KCNQ2: variants seen among roughly 807,000 people sequenced by gnomAD.
KCNQ2 encodes potassium voltage-gated channel subfamily KQT member 2.
In KCNQ2, 14 loss-of-function variants were observed where a neutral mutation model predicts 84.8. That is an observed-to-expected ratio of 0.17 (90% CI 0.11 to 0.26). The LOEUF is 0.26. KCNQ2 is among the 10% of genes least tolerant of loss of function. The pLI, the probability that KCNQ2 is intolerant of heterozygous loss-of-function variation, is 1.00. For missense variants in KCNQ2, 788 were observed against 1,254.0 expected, an observed-to-expected ratio of 0.63 and a Z score of 5.61; for synonymous variants, 599 against 554.1, an observed-to-expected ratio of 1.08 and a Z score of -1.14.
In KCNQ2 at chr20:63,445,642, G is replaced by A. The variant is rs2081391270; in HGVS notation, c.388-278C>T. The A allele has an allele frequency of 1.4e-5, 6 of 427,348 alleles. 1 individual carries two copies. Among genetic ancestry groups the A allele is most frequent in the Admixed American group, 3.9e-5 (1 of 25,862 alleles). 26.5% of individuals were successfully genotyped at this position (427,348 alleles called of 1,614,324 possible). A position where few individuals can be genotyped will look rare whatever the true frequency, so the allele number is the denominator to read the frequency against. Reference sequence around the variant, plus strand: ...TGAGCTGGGGACTCTATCTGGGCTAGGGGACCATGTCTGAGCTGGCAGGGC... The same window carrying A: ...TGAGCTGGGGACTCTATCTGGGCTAAGGGACCATGTCTGAGCTGGCAGGGC... On this transcript the variant is annotated intron_variant, in intron 2 of 16. Coordinates refer to ENST00000359125, the MANE Select transcript of KCNQ2 (RefSeq NM_172107.4).
chr20:63,427,014 A>C (rs2080654039), intron 10 of KCNQ2, among the ~76,000 whole-genome samples: 1 of 152,218 alleles, frequency 6.6e-6, no homozygotes, highest in African/African-American at 2.4e-5. Context: ...TGAGGTCAGG[A>C]GCTTCAGACC....
At chr20:63,447,529 C>T (rs1014663211) in intron 1 of KCNQ2, 1 of 152,576 alleles carries the variant, frequency 6.6e-6, no homozygotes, top group Admixed American at 6.5e-5. Flanking sequence ...CTTCAATTTC[C>T]CCTCAGATGC....
chr20:63,462,218 G>C (rs1317595508), intron 1 of KCNQ2, among the ~76,000 whole-genome samples: 2 of 139,032 alleles, frequency 1.4e-5, no homozygotes, highest in Non-Finnish European at 3.1e-5. Context: ...CAGGGAGGAG[G>C]CTGCATCTAC....
At position 63,404,223 on chromosome 20, in the gene KCNQ2, G is replaced by C. The variant is rs1324225161; in HGVS notation, c.*2421C>G. On this transcript the variant is annotated 3_prime_UTR_variant, in exon 17 of 17. Transcript: ENST00000359125. Reference sequence around the variant, plus strand: ...TGCTCATGCCTCAGCGGCCCCATGGGAGGAAAGAGCAGGCGGGGCCTCACC... The same window carrying C: ...TGCTCATGCCTCAGCGGCCCCATGGCAGGAAAGAGCAGGCGGGGCCTCACC... 6.6e-6 allele frequency: 1 copy of C among 152,392 alleles called. No homozygotes were observed. The highest frequency in any genetic ancestry group is 2.4e-5 in the African/African-American group (1 of 41,386). The allele number at this position is 152,392 out of a possible 1,614,324, so 9.4% of individuals were successfully genotyped here. A position where few individuals can be genotyped will look rare whatever the true frequency, so the allele number is the denominator to read the frequency against.
chr20:63,426,199 T>C (rs994013541), intron 10 of KCNQ2, among the ~76,000 whole-genome samples: 1 of 152,150 alleles, frequency 6.6e-6, no homozygotes, highest in African/African-American at 2.4e-5. Context: ...GGTATGAAAC[T>C]CCCCAAAACC....
At position 63,464,893 on chromosome 20, in the gene KCNQ2, G is replaced by A. The variant is rs577010792; in HGVS notation, c.296+7275C>T. ...GTCTCCCCCACGCACCCCCAGTCCC[G>A]TCCTCTCCACAGGCTCCAGATGCCC... On this transcript the variant is annotated intron_variant, in intron 1 of 16. Transcript: ENST00000359125. Among the ~76,000 whole-genome samples, 8 of 152,338 alleles carry A rather than the reference G, an allele frequency of 5.3e-5. No homozygotes were observed. The East Asian group carries it at 1.2e-3, about 22-fold the overall frequency.
In KCNQ2 at chr20:63,472,243, T is replaced by A; in HGVS notation, c.221A>T (p.Tyr74Phe). 6.5e-7 allele frequency: 1 copy of A among 1,540,900 alleles called. No homozygotes were observed. Among genetic ancestry groups the A allele is most frequent in the Non-Finnish European group, 8.7e-7 (1 of 1,143,810 alleles). The change falls in exon 1 of 17, where the codon TAC becomes TTC. Residue 74 changes from tyrosine (Y) to phenylalanine (F), a missense_variant. Physicochemically the swap from Tyr to Phe is conservative, Grantham distance 22 (BLOSUM62 3). This residue lies in a region of KCNQ2 where 106 missense variants were observed against 214.8 expected (regional missense o/e 0.49). Coordinates refer to ENST00000359125, the MANE Select transcript of KCNQ2 (RefSeq NM_172107.4). ...GTAGAGGAAATTCTGCAGCTTGCGG[T>A]AGAAGGCGTTGCGCTTGGGGGGCTT... ...AGKPPKRNAFYRKLQNFLYNV... is the reference protein window; with the variant it reads ...AGKPPKRNAFFRKLQNFLYNV...
chr20:63,404,921 G>C lies in KCNQ2; in HGVS notation c.*1723C>G, dbSNP rs1046555175. The stretch of plus-strand genomic sequence containing the variant: ...AGCCCAGCGGAGGCACCTCAATGGC[G>C]ACAGGGCCTGGGAGTGCCCTGGCCG... On this transcript the variant is annotated 3_prime_UTR_variant, in exon 17 of 17. Transcript: ENST00000359125. 6.6e-6 allele frequency: 1 copy of C among 152,288 alleles called. No individual in the cohort carries two copies. 9.4% of individuals were successfully genotyped at this position (152,288 alleles called of 1,614,324 possible).
In KCNQ2 at chr20:63,404,392, G is replaced by T; in HGVS notation, c.*2252C>A. 1 of 144,698 alleles carries T rather than the reference G, an allele frequency of 6.9e-6. No homozygotes were observed. The highest frequency in any genetic ancestry group is 1.9e-4 in the East Asian group (1 of 5,148). 9.0% of individuals were successfully genotyped at this position (144,698 alleles called of 1,614,324 possible). Reference sequence around the variant, plus strand: ...CAGGTGGGGCCATACTGGTGGGGGAGGAAAGAGCAGGCGGGGCCACACCTG... The same window carrying T: ...CAGGTGGGGCCATACTGGTGGGGGATGAAAGAGCAGGCGGGGCCACACCTG... On this transcript the variant is annotated 3_prime_UTR_variant, in exon 17 of 17. Transcript: ENST00000359125.
chr20:63,462,324 G>A (rs144115740), intron 1 of KCNQ2, among the ~76,000 whole-genome samples: 5,312 of 149,958 alleles, frequency 0.035, 202 homozygotes, highest in African/African-American at 0.12. Context: ...CCTACCCCAG[G>A]CAGCAGGGAG....
chr20:63,410,894 G>A (rs897423051), intron 15 of KCNQ2: 7 of 394,822 alleles, frequency 1.8e-5, no homozygotes, highest in Admixed American at 6.0e-5. Context: ...CCAGGCCTCC[G>A]CCCCAGGGGC....
chr20:63,432,765 T>TCCACCCTCTGGGAAGGCC (rs1568914411), intron 8 of KCNQ2, among the ~76,000 whole-genome samples: 3 of 54,308 alleles, frequency 5.5e-5, no homozygotes, highest in African/African-American at 1.6e-4. Flanking sequence ...CAGGGAAGGC[T>TCCACCCTCTGGGAAGGCC]CCACCCTCAG....
chr20:63,472,473 C>A lies in KCNQ2; in HGVS notation c.-10G>T, dbSNP rs1192374719. On this transcript the variant is annotated 5_prime_UTR_variant, in exon 1 of 17. Transcript: ENST00000359125. ...GCGACTTCTGCACCATGGTGCCTGGCGGGAGGCGCCCCGGGTCGGGCTCAG... is the reference window on the plus strand; with the variant it reads ...GCGACTTCTGCACCATGGTGCCTGGAGGGAGGCGCCCCGGGTCGGGCTCAG... 3 of 1,492,878 alleles carry A rather than the reference C, an allele frequency of 2.0e-6. No homozygotes were observed. Among genetic ancestry groups the A allele is most frequent in the South Asian group, 1.3e-5 (1 of 79,214 alleles). 92.5% of individuals were successfully genotyped at this position (1,492,878 alleles called of 1,614,324 possible). A position where few individuals can be genotyped will look rare whatever the true frequency, so the allele number is the denominator to read the frequency against.
intron 1 of KCNQ2, among the ~76,000 whole-genome samples, chr20:63,468,302 A>G (rs989027149): frequency 6.6e-6 from 1 of 152,126 alleles, no homozygotes; most frequent in Non-Finnish European, 1.5e-5. Flanking sequence ...TCGGCACACA[A>G]TGCTCCGTCA....
In KCNQ2 at chr20:63,422,523, A is replaced by G. The variant is rs568235225; in HGVS notation, c.1247+1654T>C. 6.5e-3 allele frequency: 990 copies of G among 152,496 alleles called. 6 individuals are homozygous for G. Among genetic ancestry groups the G allele is most frequent in the Middle Eastern group, 0.017 (5 of 294 alleles). The allele number at this position is 152,496 out of a possible 1,614,324, so 9.4% of individuals were successfully genotyped here. A position where few individuals can be genotyped will look rare whatever the true frequency, so the allele number is the denominator to read the frequency against. ...CCGTGGGGGAGGGCGTGGGAGGCAC[A>G]GGCAAGGACCCCCCGGACACATGGG... On this transcript the variant is annotated intron_variant, in intron 11 of 16. Transcript: ENST00000359125.
intron 6 of KCNQ2, 104 bp downstream of exon 6, chr20:63,439,494 G>T: frequency 1.2e-6 from 1 of 859,038 alleles, no homozygotes. Flanking sequence ...AGCTGCTCCT[G>T]CCCCAGGTCC....
intron 7 of KCNQ2, chr20:63,434,180 G>A (rs764956497): frequency 7.8e-6 from 4 of 515,946 alleles, no homozygotes; most frequent in East Asian, 3.2e-5. Flanking sequence ...AGCTCGCAGG[G>A]AGGCTGTGTT....
At chr20:63,455,745 C>G (rs1162302175) in intron 1 of KCNQ2, among the ~76,000 whole-genome samples, 2 of 151,980 alleles carry the variant, frequency 1.3e-5, no homozygotes, top group Admixed American at 1.3e-4. Context: ...CCTTGAGATG[C>G]AAAAACTCCT....
chr20:63,445,540 G>A, intron 2 of KCNQ2, 176 bp from the exon 3 acceptor site: 1 of 644,054 alleles, frequency 1.6e-6, no homozygotes, highest in Non-Finnish European at 2.7e-6. Context: ...AGGAAGGGTT[G>A]GGCCCTCTGG....
Sources: allele counts gnomAD v4.1 joint callset (sites outside exome capture counted in the v4.1 genomes callset), GRCh38; gene constraint gnomAD v4.1.1; regional missense constraint gnomAD v4.1.1; transcripts MANE v1.5; gene names NCBI Gene and HGNC (gene_info 2026-07-23, HGNC 2026-07-21).